The following SGCE variants were observed in gnomAD, a reference collection of about 807,000 sequenced individuals.
The protein encoded by SGCE is sarcoglycan epsilon, also known as epsilon-sarcoglycan.
A neutral mutation model predicts 57.8 loss-of-function variants in SGCE; 26 were observed. That is an observed-to-expected ratio of 0.45 (90% confidence interval 0.33 to 0.62). The LOEUF is 0.62. SGCE is among the 20% of genes least tolerant of loss of function. SGCE has a pLI of 0.02. For missense variants in SGCE, 468 were observed against 548.6 expected (o/e 0.85, Z 1.47); for synonymous variants, 183 against 189.5 (o/e 0.97, Z 0.28).
rs541875759 is a variant in SGCE, at chr7:94,604,993, C to T, written c.663-1541G>A. 4.0e-5 allele frequency among the ~76,000 whole-genome samples: 6 copies of T among 151,484 alleles called. No homozygotes were observed. In the South Asian group the frequency reaches 1.3e-3, roughly 32 times the overall value. On this transcript the variant is annotated intron_variant, in intron 5 of 10. Coordinates refer to ENST00000648936, the MANE Select transcript of SGCE (RefSeq NM_003919.3). ...GTTCACTAAAAGATTGAAAACTAAT[C>T]ATAGAATTACAGAATTCTTCCCCTC...
chr7:94,652,669 C>A (rs1047514272), intron 1 of SGCE, among the ~76,000 whole-genome samples: 2 of 152,128 alleles, frequency 1.3e-5, no homozygotes, highest in Non-Finnish European at 1.5e-5. Context: ...ATCCACCATA[C>A]TATAGGATAA....
intron 5 of SGCE, among the ~76,000 whole-genome samples, chr7:94,610,660 C>CT (rs1224982057): frequency 2.6e-5 from 4 of 151,998 alleles, no homozygotes; most frequent in South Asian, 4.1e-4. Flanking sequence ...AAATTGAACT[C>CT]TATCAAAATA....
chr7:94,612,097 T>C (rs529214507), intron 5 of SGCE, among the ~76,000 whole-genome samples: 1 of 152,340 alleles, frequency 6.6e-6, no homozygotes, highest in East Asian at 1.9e-4. Context: ...TTGTGAAATA[T>C]ATTTGTAAGG....
At chr7:94,624,151 C>T (rs1762863328) in intron 3 of SGCE, 4 of 368,214 alleles carry the variant, frequency 1.1e-5, no homozygotes. Flanking sequence ...TCGGACACAT[C>T]TGCAGTACCT....
At chr7:94,648,553 T>C (rs750213571) in intron 1 of SGCE, among the ~76,000 whole-genome samples, 5 of 152,128 alleles carry the variant, frequency 3.3e-5, no homozygotes, top group African/African-American at 4.8e-5. Context: ...AGATGAAAAA[T>C]AATACTGTAC....
chr7:94,639,468 T>A, intron 1 of SGCE: 1 of 1,407,384 alleles, frequency 7.1e-7, no homozygotes, highest in Non-Finnish European at 9.6e-7. Flanking sequence ...ATAAAACAAA[T>A]GTACAAAAAA....
intron 1 of SGCE, among the ~76,000 whole-genome samples, chr7:94,652,503 CAT>C (rs1192951972): frequency 6.6e-6 from 1 of 152,092 alleles, no homozygotes; most frequent in Non-Finnish European, 1.5e-5. Flanking sequence ...TTGTGTACTG[CAT>C]GATTTTCACC....
chr7:94,633,731 C>A (rs1191200307), intron 1 of SGCE, among the ~76,000 whole-genome samples: 1 of 152,070 alleles, frequency 6.6e-6, no homozygotes, highest in African/African-American at 2.4e-5. Flanking sequence ...TGCACGTGTG[C>A]TTATTACAAT....
At chr7:94,628,392 C>G in intron 2 of SGCE, 33 bp from the exon 3 acceptor site, 9 of 1,544,138 alleles carry the variant, frequency 5.8e-6, no homozygotes, top group Non-Finnish European at 8.0e-6. Flanking sequence ...AGACATAAGA[C>G]AGTTATTTTC....
chr7:94,607,572 G>A (rs2116774759), intron 5 of SGCE, among the ~76,000 whole-genome samples: 1 of 152,078 alleles, frequency 6.6e-6, no homozygotes, highest in South Asian at 2.1e-4. Flanking sequence ...TCAGATGCAG[G>A]AAATGCATTT....
intron 9 of SGCE, among the ~76,000 whole-genome samples, chr7:94,596,140 TAGAG>T (rs1173263286): frequency 6.6e-6 from 1 of 152,084 alleles, no homozygotes. Context: ...CATTTGCAAA[TAGAG>T]AGATCTGATC....
intron 10 of SGCE, chr7:94,586,932 C>G (rs1336755793): frequency 1.0e-6 from 1 of 981,554 alleles, no homozygotes; most frequent in Non-Finnish European, 1.2e-6. Flanking sequence ...AAAACAATAA[C>G]AACAAAACAA....
chr7:94,653,284 A>G (rs899947686), intron 1 of SGCE, among the ~76,000 whole-genome samples: 10 of 152,164 alleles, frequency 6.6e-5, no homozygotes, highest in Non-Finnish European at 1.3e-4. Flanking sequence ...TTAACATACT[A>G]GAAGTTAAAT....
intron 9 of SGCE, among the ~76,000 whole-genome samples, chr7:94,592,756 G>A (rs1797876290): frequency 6.6e-6 from 1 of 152,112 alleles, no homozygotes; most frequent in South Asian, 2.1e-4. Flanking sequence ...AATTCTGTGA[G>A]TAAGGTTGAT....
intron 9 of SGCE, chr7:94,597,961 C>CAT (rs1798650590): frequency 1.2e-5 from 2 of 163,366 alleles, no homozygotes; most frequent in Non-Finnish European, 2.6e-5. Context: ...GAGCCAAGAT[C>CAT]GCTCCATTGC....
Position 94,623,308 on chromosome 7 carries a change from C to T in SGCE, c.463+17G>A. On this transcript the variant is annotated intron_variant, in intron 4 of 10. Transcript: ENST00000648936. ...CTTCTTATAAATAAGAAATGATCAACATATTTTCATACCTACCTTCTGCAG... is the reference window on the plus strand; with the variant it reads ...CTTCTTATAAATAAGAAATGATCAATATATTTTCATACCTACCTTCTGCAG... 1.4e-6 allele frequency: 2 copies of T among 1,455,078 alleles called. No homozygotes were observed. The highest frequency in any genetic ancestry group is 1.7e-5 in the Admixed American group (1 of 57,400). The allele number at this position is 1,455,078 out of a possible 1,614,324, so 90.1% of individuals were successfully genotyped here. A position where few individuals can be genotyped will look rare whatever the true frequency, so the allele number is the denominator to read the frequency against.
At chr7:94,587,780 C>G in intron 10 of SGCE, 1 of 1,547,580 alleles carries the variant, frequency 6.5e-7, no homozygotes. Flanking sequence ...ATACTTGCCT[C>G]AAATCTTTGA....
At chr7:94,588,442 CTTAA>C in intron 10 of SGCE, 1 of 1,306,498 alleles carries the variant, frequency 7.7e-7, no homozygotes, top group Non-Finnish European at 9.8e-7. Flanking sequence ...TTCAGTCTTC[CTTAA>C]TTAGACAGGA....
At chr7:94,604,806 AATATATATATATATATATAT>A (rs59162734) in intron 5 of SGCE, among the ~76,000 whole-genome samples, 1,034 of 44,370 alleles carry the variant, frequency 0.023, 30 homozygotes, top group Non-Finnish European at 0.032. Flanking sequence ...ATGGTGCTGG[AATATATATATATATATATAT>A]ATATATATAT....
Sources: gnomAD v4.1 joint callset for allele counts (sites outside exome capture counted in the v4.1 genomes callset) on GRCh38, gnomAD v4.1.1 for gene constraint, MANE v1.5 for transcripts, NCBI Gene and HGNC (gene_info 2026-07-23, HGNC 2026-07-21) for gene names.